Variants in ATP1A2 observed in about 807,000 individuals in gnomAD.
The protein encoded by ATP1A2 is ATPase Na+/K+ transporting subunit alpha 2.
In ATP1A2, 56 loss-of-function variants were observed where a neutral mutation model predicts 113.1. That is an observed-to-expected ratio of 0.49 (90% CI 0.40 to 0.62). The LOEUF (loss-of-function observed/expected upper bound fraction) is 0.62. ATP1A2 is among the 20% of genes least tolerant of loss of function. ATP1A2 has a pLI of 0.00. For synonymous variants in ATP1A2, 490 were observed against 526.8 expected, an observed-to-expected ratio of 0.93 and a Z score of 0.96; for missense variants, 712 against 1,357.8, an observed-to-expected ratio of 0.52 and a Z score of 7.47.
chr1:160,124,190 A>C (rs1651508963), intron 5 of ATP1A2, 106 bp from the exon 6 acceptor site: 1 of 1,554,498 alleles, frequency 6.4e-7, no homozygotes, highest in Non-Finnish European at 8.7e-7. Flanking sequence ...CCAGCACCTA[A>C]TTGTTTATGG....
In ATP1A2 at chr1:160,130,251, T is replaced by C. The variant is rs779032958; in HGVS notation, c.1611T>C (p.Asn537=). 1.9e-6 allele frequency: 3 copies of C among 1,614,114 alleles called. No individual in the cohort carries two copies. The South Asian group carries it at 3.3e-5, about 18-fold the overall frequency. Residue 537 remains asparagine, a synonymous_variant, in exon 12 of 23, where the codon AAT becomes AAC. Transcript: ENST00000361216. ...AGGAGATGCAAGATGCCTTTCAAAA[T>C]GCCTACATGGAGCTGGGGGGACTTG... The part of the protein sequence containing the change: ...LDKEMQDAFQ[N]AYMELGGLGE...
rs560134127 is a variant in ATP1A2, at chr1:160,130,359, G to T, written c.1652-63G>T. ...CCTCTGCGGCATCCCTGGGGTGGGG[G>T]ACTGTGGGGGCGTCCAGGAAGCCAC... On this transcript the variant is annotated intron_variant, in intron 12 of 22. Coordinates refer to ENST00000361216, the MANE Select transcript of ATP1A2 (RefSeq NM_000702.4). 4 of 1,614,112 alleles carry T rather than the reference G, an allele frequency of 2.5e-6. No homozygotes were observed. In the East Asian group the frequency reaches 6.7e-5, roughly 27 times the overall value.
At chr1:160,127,521 G>C (rs376500812) in intron 7 of ATP1A2, 31 bp from the exon 8 acceptor site, 11 of 1,613,650 alleles carry the variant, frequency 6.8e-6, no homozygotes, top group Non-Finnish European at 8.5e-6. Flanking sequence ...GAGCCACAAG[G>C]CACCCAACCT....
In ATP1A2 at chr1:160,136,949, T is replaced by C; in HGVS notation, c.2758T>C (p.Phe920Leu). ...VVEFTCHTAF[F>L]ASIVVVQWAD... The stretch of plus-strand genomic sequence containing the variant: ...GGAGTTCACGTGCCACACGGCATTC[T>C]TTGCCAGCATCGTGGTGGTGCAGTG... Residue 920 changes from phenylalanine (F) to leucine (L), a missense_variant, in exon 20 of 23, where the codon TTT (phenylalanine) becomes CTT (leucine). Transcript: ENST00000361216. 1 of 1,614,200 alleles carries C rather than the reference T, an allele frequency of 6.2e-7. No homozygotes were observed. The highest frequency in any genetic ancestry group is 2.2e-5 in the East Asian group (1 of 44,872).
chr1:160,136,432 G>T, intron 18 of ATP1A2, 62 bp downstream of exon 18: 4 of 1,612,586 alleles, frequency 2.5e-6, no homozygotes, highest in Non-Finnish European at 3.4e-6. Context: ...AGCTTTCAGA[G>T]GAATGAGCCC....
rs890993788 is a variant in ATP1A2 at position 160,123,890 on chromosome 1, C to T, written c.382-53C>T. ...CCTGCTCATCCCAAGTGGCAGCTGC[C>T]CCTTTAGGGTTGGGGGGAAGGTCAG... On this transcript the variant is annotated intron_variant, in intron 4 of 22. Coordinates refer to ENST00000361216, the MANE Select transcript of ATP1A2 (RefSeq NM_000702.4). 777 of 1,548,730 alleles carry T rather than the reference C, an allele frequency of 5.0e-4. 1 individual carries two copies. The highest frequency in any genetic ancestry group is 1.8e-3 in the South Asian group (164 of 89,110).
intron 1 of ATP1A2, among the ~76,000 whole-genome samples, chr1:160,117,221 G>T (rs1174980249): frequency 1.3e-5 from 2 of 152,150 alleles, no homozygotes; most frequent in African/African-American, 4.8e-5. Context: ...ACCTTCAGCT[G>T]CATCTTGACA....
chr1:160,134,595 A>G lies in ATP1A2; in HGVS notation c.1939A>G (p.Ile647Val), dbSNP rs779611112. 7 of 1,614,082 alleles carry G rather than the reference A, an allele frequency of 4.3e-6. No individual in the cohort carries two copies. The East Asian group carries it at 1.1e-4, about 26-fold the overall frequency. The change falls in exon 14 of 23, where the codon ATT becomes GTT. Residue 647 changes from isoleucine to valine, a missense_variant. Physicochemically the swap from Ile to Val is conservative, Grantham distance 29. Around this residue, in one of 6 missense-constraint regions of ATP1A2, gnomAD observed 263 missense variants for 380.6 expected, o/e 0.69. Transcript: ENST00000361216. ...GGAGGACATTGCAGCCCGGCTCAAC[A>G]TTCCCATGAGTCAAGTCAACCCCAG... is the stretch of plus-strand genomic sequence containing the variant. ...TVEDIAARLN[I>V]PMSQVNPREA...
intron 8 of ATP1A2, 173 bp from the exon 9 acceptor site, chr1:160,128,479 T>C (rs1449454441): frequency 6.5e-7 from 1 of 1,531,390 alleles, no homozygotes; most frequent in Non-Finnish European, 8.8e-7. Context: ...TAACAGATAC[T>C]CATGATCTCA....
At chr1:160,136,824 C>A (rs1651968769) in intron 19 of ATP1A2, 77 bp from the exon 20 acceptor site, 1 of 1,613,958 alleles carries the variant, frequency 6.2e-7, no homozygotes, top group Non-Finnish European at 8.5e-7. Flanking sequence ...AGGGGTGGAT[C>A]AGGAGAAACC....
At chr1:160,140,075 G>C (rs1481934488) in intron 22 of ATP1A2, 91 bp downstream of exon 22, 6 of 1,316,854 alleles carry the variant, frequency 4.6e-6, no homozygotes, top group East Asian at 2.3e-5. Flanking sequence ...TCCCACTACT[G>C]GTTCCTGCTT....
At chr1:160,134,277 CCACA>C (rs1480054928) in intron 13 of ATP1A2, among the ~76,000 whole-genome samples, 4 of 149,030 alleles carry the variant, frequency 2.7e-5, no homozygotes, top group Non-Finnish European at 4.5e-5. Flanking sequence ...TACACACACC[CCACA>C]CACACACACA....
In ATP1A2 at chr1:160,139,981, G is replaced by A. The variant is rs1553246149; in HGVS notation, c.3031G>A (p.Gly1011Ser). Residue 1011 changes from glycine to serine, a missense_variant, in exon 22 of 23, where the codon GGT (glycine) becomes AGT (serine). Around this residue, in one of 6 missense-constraint regions of ATP1A2, gnomAD observed 188 missense variants for 438.9 expected, o/e 0.43. Transcript: ENST00000361216. ...AAAGCTCATCCTGCGGCGGTATCCT[G>A]GTGGTAAGCCCCTCCACATTCCCCC... Reference protein sequence around the residue: ...VRKLILRRYPGGWVEKETYY With the variant: ...VRKLILRRYPSGWVEKETYY 6.2e-7 allele frequency: 1 copy of A among 1,613,562 alleles called. No individual in the cohort carries two copies. Among genetic ancestry groups the A allele is most frequent in the Non-Finnish European group, 8.5e-7 (1 of 1,179,978 alleles).
rs202094576 is a variant in ATP1A2 at position 160,135,589 on chromosome 1, G to A, written c.2271G>A (p.Thr757=). 7.2e-5 allele frequency: 116 copies of A among 1,613,832 alleles called. No homozygotes were observed. Among genetic ancestry groups the A allele is most frequent in the South Asian group, 2.0e-4 (18 of 91,078 alleles). ...LLDDNFASIV[T]GVEEGRLIFD... is the part of the protein sequence containing the mutation. The stretch of plus-strand genomic sequence containing the variant: ...ATGACAACTTTGCCTCCATCGTCAC[G>A]GGGGTGGAGGAGGGTGAGGAGGCTG... Residue 757 remains threonine, a synonymous_variant, in exon 16 of 23, where the codon ACG becomes ACA. Coordinates refer to ENST00000361216, the MANE Select transcript of ATP1A2 (RefSeq NM_000702.4). This position sits in a 1 kb window ranked among gnomAD's most constrained non-coding sequence, Gnocchi z 6.3.
chr1:160,124,630 G>A (rs776223223), intron 6 of ATP1A2, among the ~76,000 whole-genome samples, 200 bp downstream of exon 6: 2 of 152,206 alleles, frequency 1.3e-5, no homozygotes, highest in Non-Finnish European at 2.9e-5. Flanking sequence ...AATGCTCTAT[G>A]CCCCAGGTAT....
chr1:160,129,114 G>C, intron 10 of ATP1A2, 25 bp downstream of exon 10: 1 of 1,582,808 alleles, frequency 6.3e-7, no homozygotes, highest in Non-Finnish European at 8.6e-7. Context: ...CACACACCAG[G>C]TATGTTTTGG....
chr1:160,115,835 A>G lies in ATP1A2; in HGVS notation c.-27A>G, dbSNP rs1183393933. The G allele has an allele frequency of 3.1e-6, 5 of 1,590,960 alleles. No homozygotes were observed. Among genetic ancestry groups the G allele is most frequent in the African/African-American group, 1.3e-5 (1 of 74,590 alleles). ...GATCCTCCTGGTGACCTCTCCCGCTAAGGTCCCTCAGCCACTCTGCCCCAA... is the reference window on the plus strand; with the variant it reads ...GATCCTCCTGGTGACCTCTCCCGCTGAGGTCCCTCAGCCACTCTGCCCCAA... On this transcript the variant is annotated 5_prime_UTR_variant, in exon 1 of 23. Transcript: ENST00000361216.
rs775901594 is a variant in ATP1A2 at position 160,121,167 on chromosome 1, A to G, written c.118-25A>G. On this transcript the variant is annotated intron_variant, in intron 2 of 22. Coordinates refer to ENST00000361216, the MANE Select transcript of ATP1A2 (RefSeq NM_000702.4). Reference sequence around the variant, plus strand: ...ATGCATCTTAGATACCTCCTCCCCAAAGTAACTCACCCTCCCTTCCCCAGG... The same window carrying G: ...ATGCATCTTAGATACCTCCTCCCCAGAGTAACTCACCCTCCCTTCCCCAGG... 5 of 1,613,756 alleles carry G rather than the reference A, an allele frequency of 3.1e-6. No individual in the cohort carries two copies. The African/African-American group carries it at 6.7e-5, about 22-fold the overall frequency.
Position 160,142,779 on chromosome 1 carries a change from T to C in ATP1A2, c.*1457T>C, listed in dbSNP as rs994252760. On this transcript the variant is annotated 3_prime_UTR_variant, in exon 23 of 23. Coordinates refer to ENST00000361216, the MANE Select transcript of ATP1A2 (RefSeq NM_000702.4). ...GAGATCGTGCCATTACACTCCAGCC[T>C]GGGCGAAAGGGTGAGACTCCATCTC... The C allele has an allele frequency of 2.0e-5, 3 of 150,222 alleles. No individual in the cohort carries two copies. Among genetic ancestry groups the C allele is most frequent in the Non-Finnish European group, 4.4e-5 (3 of 67,786 alleles). The allele number at this position is 150,222 out of a possible 1,614,324, so 9.3% of individuals were successfully genotyped here. A position where few individuals can be genotyped will look rare whatever the true frequency, so the allele number is the denominator to read the frequency against.
Sources: gnomAD v4.1 joint callset for allele counts (sites outside exome capture counted in the v4.1 genomes callset) on GRCh38, gnomAD v4.1.1 for gene constraint, gnomAD v4.1.1 regional missense constraint, Gnocchi (gnomAD v3.1) non-coding constraint, MANE v1.5 for transcripts, NCBI Gene and HGNC (gene_info 2026-07-23, HGNC 2026-07-21) for gene names.